SLC27A6: variants seen among roughly 807,000 people sequenced by gnomAD.
SLC27A6 encodes solute carrier family 27 member 6, also known as long-chain fatty acid transport protein 6.
A neutral mutation model predicts 63.9 loss-of-function variants in SLC27A6; 74 were observed. The ratio of observed to expected loss-of-function variants is 1.16; its 90% CI spans 0.96 to 1.40. SLC27A6 has a LOEUF of 1.40. Ranked by LOEUF, SLC27A6 falls within the 40% of genes most tolerant of loss-of-function variation. The pLI, the probability that SLC27A6 is intolerant of heterozygous loss-of-function variation, is 0.00. For missense variants in SLC27A6, 794 were observed against 732.9 expected (o/e 1.08, Z -0.96); for synonymous variants, 287 against 260.8 (o/e 1.10, Z -0.97).
At chr5:128,980,227 C>G (rs1750536866) in intron 1 of SLC27A6, among the ~76,000 whole-genome samples, 2 of 152,128 alleles carry the variant, frequency 1.3e-5, no homozygotes, top group African/African-American at 4.8e-5. Context: ...ACCACCACAG[C>G]AGACACCATT....
chr5:129,005,200 A>G (rs1206581022), intron 4 of SLC27A6, among the ~76,000 whole-genome samples: 3 of 152,098 alleles, frequency 2.0e-5, no homozygotes, highest in East Asian at 1.9e-4. Context: ...ACTATGCCCA[A>G]TGTGTATAGG....
intron 1 of SLC27A6, among the ~76,000 whole-genome samples, chr5:128,976,301 G>C (rs1421096864): frequency 6.6e-6 from 1 of 152,166 alleles, no homozygotes; most frequent in African/African-American, 2.4e-5. Flanking sequence ...CTGAGGTCAG[G>C]AGTTCGAGAC....
At chr5:129,006,076 T>TTTTTTTTTTTTTTTTTG (rs1751517634) in intron 4 of SLC27A6, among the ~76,000 whole-genome samples, 1 of 51,600 alleles carries the variant, frequency 1.9e-5, no homozygotes, top group Non-Finnish European at 4.7e-5. Flanking sequence ...ACACTGTTTT[T>TTTTTTTTTTTTTTTTTG]TTTTTTTTTT....
At chr5:128,986,366 G>C (rs913156806) in intron 2 of SLC27A6, among the ~76,000 whole-genome samples, 5 of 152,140 alleles carry the variant, frequency 3.3e-5, no homozygotes, top group African/African-American at 1.2e-4. Flanking sequence ...TGATTTCTAG[G>C]AAAAACTGAA....
At chr5:128,994,234 T>G (rs1168273202) in intron 4 of SLC27A6, among the ~76,000 whole-genome samples, 2 of 152,098 alleles carry the variant, frequency 1.3e-5, no homozygotes, top group Non-Finnish European at 2.9e-5. Context: ...AAAATGATGT[T>G]TATCAAATAA....
intron 1 of SLC27A6, among the ~76,000 whole-genome samples, chr5:128,972,760 C>G (rs1226482334): frequency 1.3e-5 from 2 of 152,176 alleles, no homozygotes; most frequent in Non-Finnish European, 2.9e-5. Context: ...CTTCTGAAGC[C>G]TGCTTCTGTC....
rs559171485 is a variant in SLC27A6, at chr5:129,020,881, C to G, written c.1165-2739C>G. On this transcript the variant is annotated intron_variant, in intron 5 of 9. Coordinates refer to ENST00000262462, the MANE Select transcript of SLC27A6 (RefSeq NM_001017372.3). ...GGGATGTCATATGTAAGGCAGAATC[C>G]AGGAGGGTACCAAGGGTGAAGCTTC... Among the ~76,000 whole-genome samples, 26 of 152,112 alleles carry G rather than the reference C, an allele frequency of 1.7e-4. 1 individual carries two copies. The highest frequency in any genetic ancestry group is 1.7e-3 in the Admixed American group (26 of 15,270).
At chr5:129,018,043 G>T (rs890236954) in intron 5 of SLC27A6, among the ~76,000 whole-genome samples, 1 of 152,086 alleles carries the variant, frequency 6.6e-6, no homozygotes, top group Non-Finnish European at 1.5e-5. Flanking sequence ...AAAGCTTTTG[G>T]TTGATAATCT....
intron 4 of SLC27A6, among the ~76,000 whole-genome samples, chr5:129,007,429 C>T (rs1168821128): frequency 7.6e-5 from 9 of 118,496 alleles, no homozygotes; most frequent in East Asian, 7.3e-4. Flanking sequence ...GGCGACAGAG[C>T]GAGACTCAGT....
chr5:129,014,995 A>T (rs536283915), intron 4 of SLC27A6, among the ~76,000 whole-genome samples: 111 of 152,316 alleles, frequency 7.3e-4, no homozygotes, highest in Admixed American at 2.1e-3. Context: ...GAAATAAATA[A>T]TGTGATCCAT....
chr5:128,978,368 A>C (rs1264464264), intron 1 of SLC27A6, among the ~76,000 whole-genome samples: 2 of 152,166 alleles, frequency 1.3e-5, no homozygotes, highest in African/African-American at 4.8e-5. Flanking sequence ...AAAGTTACTT[A>C]ATAGTTTACC....
chr5:128,974,661 G>A (rs1031583773), intron 1 of SLC27A6, among the ~76,000 whole-genome samples: 16 of 152,166 alleles, frequency 1.1e-4, no homozygotes, highest in African/African-American at 3.9e-4. Context: ...AGAGTATATT[G>A]AGGTAGAAAG....
At chr5:129,021,626 A>G (rs1295423103) in intron 5 of SLC27A6, among the ~76,000 whole-genome samples, 1 of 152,196 alleles carries the variant, frequency 6.6e-6, no homozygotes, top group Non-Finnish European at 1.5e-5. Flanking sequence ...ATAAACATGT[A>G]CATTTGGGAG....
Position 128,966,064 on chromosome 5 carries a change from G to A in SLC27A6, c.-74G>A. 2 of 1,500,442 alleles carry A rather than the reference G, an allele frequency of 1.3e-6. No individual in the cohort carries two copies. The highest frequency in any genetic ancestry group is 1.8e-6 in the Non-Finnish European group (2 of 1,125,862). The allele number at this position is 1,500,442 out of a possible 1,614,324, so 92.9% of individuals were successfully genotyped here. A position where few individuals can be genotyped will look rare whatever the true frequency, so the allele number is the denominator to read the frequency against. On this transcript the variant is annotated 5_prime_UTR_variant, in exon 1 of 10. Transcript: ENST00000262462. ...AGTAGTGAGGATCTGCGGTCTCCGTGGAGAGCTGTGCCTGGAAGAGAAGGA... is the reference window on the plus strand; with the variant it reads ...AGTAGTGAGGATCTGCGGTCTCCGTAGAGAGCTGTGCCTGGAAGAGAAGGA...
intron 1 of SLC27A6, among the ~76,000 whole-genome samples, chr5:128,973,656 C>T (rs755117127): frequency 1.1e-4 from 17 of 152,180 alleles, no homozygotes; most frequent in Non-Finnish European, 1.8e-4. Flanking sequence ...GAGAGTATCC[C>T]GAGTTTCCAG....
intron 4 of SLC27A6, among the ~76,000 whole-genome samples, chr5:129,005,847 C>A (rs1041676350): frequency 6.6e-6 from 1 of 151,306 alleles, no homozygotes; most frequent in African/African-American, 2.4e-5. Context: ...CTCCTGACCT[C>A]GTGATCCGCC....
intron 4 of SLC27A6, among the ~76,000 whole-genome samples, chr5:129,006,075 T>TTTTTTTTTTTTTTTTG: frequency 2.0e-5 from 1 of 50,646 alleles, no homozygotes; most frequent in Non-Finnish European, 4.8e-5. Flanking sequence ...CACACTGTTT[T>TTTTTTTTTTTTTTTTG]TTTTTTTTTT....
Position 128,969,583 on chromosome 5 carries a change from A to T in SLC27A6, c.481+2965A>T, listed in dbSNP as rs150227727. ...TCTCTGTTTGTCTGTTTTTGGTGTA[A>T]AGGAATGCTTGTGATTTTTGCACAT... On this transcript the variant is annotated intron_variant, in intron 1 of 9. Coordinates refer to ENST00000262462, the MANE Select transcript of SLC27A6 (RefSeq NM_001017372.3). Among the ~76,000 whole-genome samples the T allele has an allele frequency of 7.3e-3, 1,117 of 152,020 alleles. 14 individuals are homozygous for T. Among genetic ancestry groups the T allele is most frequent in the African/African-American group, 0.026 (1,066 of 41,490 alleles).
chr5:128,969,370 A>G (rs537040755), intron 1 of SLC27A6, among the ~76,000 whole-genome samples: 25 of 152,202 alleles, frequency 1.6e-4, no homozygotes, highest in Non-Finnish European at 2.9e-4. Context: ...GGCCATTTTC[A>G]TGATATTGAT....
Sources: gnomAD v4.1 joint callset for allele counts (sites outside exome capture counted in the v4.1 genomes callset) on GRCh38, gnomAD v4.1.1 for gene constraint, MANE v1.5 for transcripts, NCBI Gene and HGNC (gene_info 2026-07-23, HGNC 2026-07-21) for gene names.